CSTF3: variants seen among roughly 807,000 people sequenced by gnomAD.
CSTF3 encodes the protein cleavage stimulation factor subunit 3.
Under a neutral mutation model 105.8 loss-of-function variants are expected in CSTF3, and 29 were observed. The ratio of observed to expected loss-of-function variants is 0.27; its 90% CI spans 0.20 to 0.37. The LOEUF is 0.37. Ranked by LOEUF, CSTF3 falls within the 10% of genes least tolerant of loss-of-function variation. CSTF3 has a pLI of 1.00. For missense variants in CSTF3, 357 were observed against 879.3 expected, an observed-to-expected ratio of 0.41 and a Z score of 7.51; for synonymous variants, 252 against 281.9, an observed-to-expected ratio of 0.89 and a Z score of 1.06.
chr11:33,157,466 T>C (rs1033524937), intron 1 of CSTF3, among the ~76,000 whole-genome samples: 10 of 152,062 alleles, frequency 6.6e-5, no homozygotes, highest in Admixed American at 2.0e-4. Context: ...ATGCAAATAG[T>C]TTTTTCACCA....
intron 3 of CSTF3, among the ~76,000 whole-genome samples, chr11:33,128,173 A>T (rs1004570342): frequency 6.6e-6 from 1 of 152,278 alleles, no homozygotes; most frequent in South Asian, 2.1e-4. Context: ...CTCAGGTTTT[A>T]CCTACTATGG....
Position 33,085,261 on chromosome 11 carries a change from A to C in CSTF3, c.1980T>G (p.Thr660=). 5 of 1,559,842 alleles carry C rather than the reference A, an allele frequency of 3.2e-6. No homozygotes were observed. Among genetic ancestry groups the C allele is most frequent in the Non-Finnish European group, 4.3e-6 (5 of 1,157,062 alleles). ...NTVEEAVRII[T]GGAPELAVEG... is the part of the protein sequence containing the mutation. Reference sequence around the variant, plus strand: ...CTACAGCTAGCTCTGGGGCCCCACCAGTAATGATCCTCACAGCTTCCTCAA... The same window carrying C: ...CTACAGCTAGCTCTGGGGCCCCACCCGTAATGATCCTCACAGCTTCCTCAA... Residue 660 remains threonine, a synonymous_variant, in exon 21 of 21, where the codon ACT becomes ACG. Transcript: ENST00000323959.
At chr11:33,085,564 C>T in intron 20 of CSTF3, 149 bp downstream of exon 20, 1 of 706,514 alleles carries the variant, frequency 1.4e-6, no homozygotes. Flanking sequence ...CTTTCTCTGC[C>T]AAAGAGGGTT....
At chr11:33,119,768 T>A (rs1855468282) in intron 3 of CSTF3, among the ~76,000 whole-genome samples, 1 of 151,810 alleles carries the variant, frequency 6.6e-6, no homozygotes, top group South Asian at 2.1e-4. Flanking sequence ...TCCAAGAACA[T>A]ACAATCAACA....
In CSTF3 at chr11:33,099,254, A is replaced by G. The variant is rs1855255766; in HGVS notation, c.937-104T>C. ...ACTTTATTTTATTTATGTGTCTAAG[A>G]AAGCATACATGTATGTACACACATA... On this transcript the variant is annotated intron_variant, in intron 11 of 20. Transcript: ENST00000323959. This position sits in a 1 kb window ranked among gnomAD's most constrained non-coding sequence, Gnocchi z 4.1. The G allele has an allele frequency of 7.4e-7, 1 of 1,358,938 alleles. No homozygotes were observed. The allele number at this position is 1,358,938 out of a possible 1,614,324, so 84.2% of individuals were successfully genotyped here. A position where few individuals can be genotyped will look rare whatever the true frequency, so the allele number is the denominator to read the frequency against.
intron 1 of CSTF3, among the ~76,000 whole-genome samples, chr11:33,153,719 A>AAG (rs1849819386): frequency 6.6e-6 from 1 of 151,728 alleles, no homozygotes; most frequent in Admixed American, 6.6e-5. Context: ...AGACAAAAAA[A>AAG]AAAAAAAAGA....
chr11:33,141,137 G>A (rs1418423327), intron 3 of CSTF3: 6 of 152,078 alleles, frequency 3.9e-5, no homozygotes, highest in African/African-American at 1.4e-4. Flanking sequence ...GCTTATTCTT[G>A]CATAATATAA....
chr11:33,110,794 T>C (rs1368783878), intron 3 of CSTF3, among the ~76,000 whole-genome samples: 1 of 152,154 alleles, frequency 6.6e-6, no homozygotes, highest in Non-Finnish European at 1.5e-5. Flanking sequence ...ACTGAAGCCA[T>C]GTAATGAAAA....
chr11:33,151,824 G>T (rs1176558132), intron 1 of CSTF3, among the ~76,000 whole-genome samples: 1 of 152,068 alleles, frequency 6.6e-6, no homozygotes, highest in African/African-American at 2.4e-5. Context: ...CCAGTATAAG[G>T]GGTTCTAATT....
chr11:33,131,395 C>A (rs911889497), intron 3 of CSTF3, among the ~76,000 whole-genome samples: 1 of 152,150 alleles, frequency 6.6e-6, no homozygotes, highest in South Asian at 2.1e-4. Context: ...ATGCAAAAAA[C>A]TCCTGATCAA....
At chr11:33,098,914 C>T in intron 12 of CSTF3, 120 bp downstream of exon 12, 2 of 1,405,956 alleles carry the variant, frequency 1.4e-6, no homozygotes, top group Non-Finnish European at 1.9e-6. Flanking sequence ...AATAACTGTT[C>T]ATTTGGCATC....
At chr11:33,091,036 C>T (rs190835435) in intron 16 of CSTF3, among the ~76,000 whole-genome samples, 1 of 152,214 alleles carries the variant, frequency 6.6e-6, no homozygotes, top group Admixed American at 6.5e-5. Flanking sequence ...AGTATAGCTG[C>T]TGCTTCTTTG....
intron 3 of CSTF3, among the ~76,000 whole-genome samples, chr11:33,123,803 G>A (rs1309138465): frequency 6.6e-6 from 1 of 152,054 alleles, no homozygotes; most frequent in Admixed American, 6.6e-5. Flanking sequence ...TCTCTGAGGG[G>A]AACTGGTGCC....
At chr11:33,085,639 G>A in intron 20 of CSTF3, 74 bp downstream of exon 20, 3 of 1,337,788 alleles carry the variant, frequency 2.2e-6, no homozygotes, top group East Asian at 2.3e-5. Context: ...TTCAGTGGCA[G>A]AGAATAATAA....
In CSTF3 at chr11:33,090,481, T is replaced by G. The variant is rs777132525; in HGVS notation, c.1641+51A>C. ...AGTGCAGGTTATCAATGAACTCTTC[T>G]AAAACACTGGAAAAGTGAGGACACT... On this transcript the variant is annotated intron_variant, in intron 17 of 20. Transcript: ENST00000323959. 3.4e-6 allele frequency: 4 copies of G among 1,177,982 alleles called. No homozygotes were observed. The African/African-American group carries it at 4.7e-5, about 14-fold the overall frequency. 73.0% of individuals were successfully genotyped at this position (1,177,982 alleles called of 1,614,324 possible).
At chr11:33,098,209 C>T (rs1565003860) in intron 13 of CSTF3, among the ~76,000 whole-genome samples, 3 of 152,074 alleles carry the variant, frequency 2.0e-5, no homozygotes, top group African/African-American at 7.2e-5. Context: ...GCACTTGGGG[C>T]TTTGAAAACC....
intron 3 of CSTF3, among the ~76,000 whole-genome samples, chr11:33,140,329 T>C (rs1465575539): frequency 6.6e-6 from 1 of 151,912 alleles, no homozygotes; most frequent in Non-Finnish European, 1.5e-5. Flanking sequence ...AGAGGATAGG[T>C]GATGAAACTT....
At chr11:33,125,056 ATCAT>A in intron 3 of CSTF3, among the ~76,000 whole-genome samples, 1 of 152,324 alleles carries the variant, frequency 6.6e-6, no homozygotes, top group Admixed American at 6.5e-5. Context: ...GAAGCCTTCA[ATCAT>A]TCTGGAAATT....
At chr11:33,144,491 C>A (rs1855754467) in intron 1 of CSTF3, among the ~76,000 whole-genome samples, 1 of 152,062 alleles carries the variant, frequency 6.6e-6, no homozygotes, top group African/African-American at 2.4e-5. Flanking sequence ...ATAAAGGTGG[C>A]ATGTTCAAAT....
Sources: allele counts gnomAD v4.1 joint callset (sites outside exome capture counted in the v4.1 genomes callset), GRCh38; gene constraint gnomAD v4.1.1; non-coding constraint Gnocchi (gnomAD v3.1); transcripts MANE v1.5; gene names NCBI Gene and HGNC (gene_info 2026-07-23, HGNC 2026-07-21).